Variants in MRPL43 observed in about 807,000 individuals in gnomAD.
MRPL43 encodes large ribosomal subunit protein mL43.
In MRPL43, 9 loss-of-function variants were observed where a neutral mutation model predicts 12.7. The observed-to-expected ratio is 0.71, with a 90% CI of 0.43 to 1.24. The LOEUF is 1.24. MRPL43 is among the 50% of genes most tolerant of loss of function. The probability of loss-of-function intolerance (pLI) is 0.00; values close to 1 mark genes in which losing one functional copy is unlikely to be tolerated. For synonymous variants in MRPL43, 116 were observed against 96.4 expected (o/e 1.20, Z -1.19); for missense variants, 211 against 229.2 (o/e 0.92, Z 0.51).
chr10:100,983,381 C>T (rs549851109), downstream of MRPL43: 1 of 1,609,922 alleles, frequency 6.2e-7, no homozygotes, highest in Non-Finnish European at 8.5e-7. Flanking sequence ...AGCCATCCAA[C>T]CTGGCCCGGG....
downstream of MRPL43, chr10:100,977,919 G>GTT: frequency 1.7e-6 from 1 of 597,744 alleles, no homozygotes; most frequent in Non-Finnish European, 3.0e-6. Flanking sequence ...AAACCATGCA[G>GTT]TTTTTATAGC....
chr10:100,984,159 C>T, downstream of MRPL43: 1 of 1,578,514 alleles, frequency 6.3e-7, no homozygotes. Context: ...AAATGCTCTT[C>T]CAAGCCAGCC....
chr10:100,984,547 T>G (rs1851326399), downstream of MRPL43: 1 of 1,536,070 alleles, frequency 6.5e-7, no homozygotes, highest in Non-Finnish European at 8.7e-7. Context: ...TGGCCCTGTG[T>G]GCTGGATGGT....
chr10:100,982,218 G>A (rs1449657183), downstream of MRPL43, among the ~76,000 whole-genome samples: 1 of 152,038 alleles, frequency 6.6e-6, no homozygotes, highest in African/African-American at 2.4e-5. Flanking sequence ...AGCAGAGGGA[G>A]CAGCAGGCAG....
At chr10:100,981,273 C>T, downstream of MRPL43, 5 of 1,606,402 alleles carry the variant, frequency 3.1e-6, no homozygotes, top group African/African-American at 1.3e-5. Flanking sequence ...GCAGACTGTC[C>T]TCTTTGCCAT....
downstream of MRPL43, chr10:100,978,517 CCCA>C (rs761750855): frequency 2.8e-5 from 45 of 1,612,426 alleles, no homozygotes; most frequent in East Asian, 7.8e-4. Flanking sequence ...CTGGAATATC[CCCA>C]CGCCAGATGG....
Position 100,987,303 on chromosome 10 carries a change from C to T in MRPL43, c.131+10G>A. 6.2e-7 allele frequency: 1 copy of T among 1,612,182 alleles called. No individual in the cohort carries two copies. Among genetic ancestry groups the T allele is most frequent in the East Asian group, 2.2e-5 (1 of 44,862 alleles). ...CCCCGACCCGCGCCTGCGCACTTCC[C>T]TTGGCTCACCTGGCGCCGCGAGACG... On this transcript the variant is annotated intron_variant, in intron 1 of 2. Transcript: ENST00000318364.
Position 100,987,431 on chromosome 10 carries a change from C to G in MRPL43, c.13G>C (p.Gly5Arg). The part of the protein sequence containing the change: MTAR[G>R]TPSRFLASVL... Reference sequence around the variant, plus strand: ...CTGGCCAAGAAGCGGCTCGGAGTCCCGCGCGCCGTCATAGCTACAGCTTGG... The same window carrying G: ...CTGGCCAAGAAGCGGCTCGGAGTCCGGCGCGCCGTCATAGCTACAGCTTGG... The change falls in exon 1 of 3, where the codon GGG becomes CGG. Residue 5 changes from glycine (G) to arginine (R), a missense_variant. Physicochemically the swap from Gly to Arg is moderately radical, Grantham distance 125. Transcript: ENST00000318364. The G allele has an allele frequency of 6.2e-7, 1 of 1,612,190 alleles. No homozygotes were observed. The highest frequency in any genetic ancestry group is 2.2e-5 in the East Asian group (1 of 44,864).
At chr10:100,977,845 G>A (rs1850867889), downstream of MRPL43, 1 of 902,272 alleles carries the variant, frequency 1.1e-6, no homozygotes, top group South Asian at 1.4e-5. Flanking sequence ...GTTTATTAAG[G>A]GGACTTCCAT....
downstream of MRPL43, chr10:100,983,612 G>C (rs749431067): frequency 2.5e-6 from 4 of 1,614,058 alleles, no homozygotes; most frequent in Non-Finnish European, 2.5e-6. Flanking sequence ...CCACACCTGG[G>C]GCACAGCTGG....
Position 100,987,122 on chromosome 10 carries a change from G to A in MRPL43, c.206C>T (p.Pro69Leu), listed in dbSNP as rs1410956813. The change falls in exon 2 of 3, where the codon CCG becomes CTG. Residue 69 changes from proline (P) to leucine (L), a missense_variant. Coordinates refer to ENST00000318364, the MANE Select transcript of MRPL43 (RefSeq NM_032112.3). The stretch of plus-strand genomic sequence containing the variant: ...GGCCACTACTCTGGGCACGCAGCAC[G>A]GACGCGAGTTTACATATATTACGAC... ...PGVVIYVNSRPCCVPRVVAEY... is the reference protein window; with the variant it reads ...PGVVIYVNSRLCCVPRVVAEY... 1.2e-6 allele frequency: 2 copies of A among 1,613,816 alleles called. No homozygotes were observed. The highest frequency in any genetic ancestry group is 1.7e-5 in the Admixed American group (1 of 60,022).
In MRPL43 at chr10:100,987,306, G is replaced by C. The variant is rs773108319; in HGVS notation, c.131+7C>G. On this transcript the variant is annotated splice_region_variant and intron_variant, in intron 1 of 2. Transcript: ENST00000318364. ...CGACCCGCGCCTGCGCACTTCCCTTGGCTCACCTGGCGCCGCGAGACGAGG... is the reference window on the plus strand; with the variant it reads ...CGACCCGCGCCTGCGCACTTCCCTTCGCTCACCTGGCGCCGCGAGACGAGG... 6.2e-7 allele frequency: 1 copy of C among 1,612,134 alleles called. No individual in the cohort carries two copies. The highest frequency in any genetic ancestry group is 1.1e-5 in the South Asian group (1 of 91,052).
At chr10:100,979,965 T>G (rs751463430), downstream of MRPL43, 23 of 1,613,760 alleles carry the variant, frequency 1.4e-5, no homozygotes, top group Non-Finnish European at 1.9e-5. Context: ...GCTATGAGGG[T>G]GGGGTGCCTG....
downstream of MRPL43, chr10:100,980,571 A>C: frequency 6.2e-7 from 1 of 1,611,246 alleles, no homozygotes; most frequent in East Asian, 2.2e-5. Context: ...TGCTCTTTCC[A>C]TACCAGCTGA....
downstream of MRPL43, chr10:100,983,345 T>C (rs778125924): frequency 5.0e-6 from 8 of 1,591,894 alleles, no homozygotes; most frequent in South Asian, 8.0e-5. Flanking sequence ...TGCTCCGGGG[T>C]GATGATGTCC....
At chr10:100,984,071 C>T, downstream of MRPL43, 1 of 1,613,678 alleles carries the variant, frequency 6.2e-7, no homozygotes, top group African/African-American at 1.3e-5. Flanking sequence ...AACTCAGCCG[C>T]ATCCTGGAAA....
chr10:100,979,784 C>T (rs1043605253), downstream of MRPL43: 2 of 1,588,368 alleles, frequency 1.3e-6, no homozygotes, highest in Admixed American at 1.7e-5. Flanking sequence ...TCAGGCTGAG[C>T]ACGAGTTGGG....
At chr10:100,983,723 A>T, downstream of MRPL43, 1 of 1,613,528 alleles carries the variant, frequency 6.2e-7, no homozygotes, top group Non-Finnish European at 8.5e-7. Flanking sequence ...GTCTGCGGGA[A>T]GGCAGACGAG....
chr10:100,978,488 TATGACATGTCTCTC>T (rs1476749328), downstream of MRPL43: 3 of 1,598,634 alleles, frequency 1.9e-6, no homozygotes, highest in Non-Finnish European at 2.6e-6. Flanking sequence ...CCCTGTTGAA[TATGACATGTCTCTC>T]ATGCCTGGAA....
Sources: allele counts gnomAD v4.1 joint callset (sites outside exome capture counted in the v4.1 genomes callset), GRCh38; gene constraint gnomAD v4.1.1; transcripts MANE v1.5; gene names NCBI Gene and HGNC (gene_info 2026-07-23, HGNC 2026-07-21).